Variants in ESRRG observed in about 807,000 individuals in gnomAD.
ESRRG encodes estrogen related receptor gamma.
A neutral mutation model predicts 44.0 loss-of-function variants in ESRRG; 13 were observed. That is an observed-to-expected ratio of 0.30 (90% CI 0.19 to 0.47). The LOEUF (loss-of-function observed/expected upper bound fraction) is 0.47. Ranked by LOEUF, ESRRG falls within the 20% of genes least tolerant of loss-of-function variation. ESRRG has a pLI of 1.00. For synonymous variants in ESRRG, 215 were observed against 214.6 expected (o/e 1.00, Z -0.02); for missense variants, 395 against 580.6 (o/e 0.68, Z 3.29).
intron 3 of ESRRG, among the ~76,000 whole-genome samples, chr1:216,582,768 T>C (rs1210087774): frequency 1.3e-5 from 2 of 152,222 alleles, no homozygotes; most frequent in Non-Finnish European, 2.9e-5. Flanking sequence ...TCTGTTGGCC[T>C]GGACACTTTT....
chr1:216,868,079 C>CTTTTTTTTTTTT, intron 2 of ESRRG, among the ~76,000 whole-genome samples: 1 of 78,358 alleles, frequency 1.3e-5, no homozygotes, highest in Non-Finnish European at 2.2e-5. Context: ...TATATTGATC[C>CTTTTTTTTTTTT]TTTTTTTTTT....
intron 2 of ESRRG, among the ~76,000 whole-genome samples, chr1:216,908,807 T>C (rs1310689103): frequency 6.8e-6 from 1 of 148,116 alleles, no homozygotes; most frequent in East Asian, 2.0e-4. Context: ...TACAAGGCAA[T>C]GTGCCGTAGG....
chr1:216,979,157 C>T (rs1401218444), intron 1 of ESRRG, among the ~76,000 whole-genome samples: 1 of 152,086 alleles, frequency 6.6e-6, no homozygotes, highest in African/African-American at 2.4e-5. Flanking sequence ...TAAACCCCTA[C>T]CCTTCCCACC....
At chr1:216,863,254 G>A (rs1252986400) in intron 2 of ESRRG, 1 of 151,944 alleles carries the variant, frequency 6.6e-6, no homozygotes, top group East Asian at 1.9e-4. Flanking sequence ...TAGAATCACT[G>A]ATATATATGA....
At chr1:216,565,868 T>G (rs757780969) in intron 4 of ESRRG, among the ~76,000 whole-genome samples, 1 of 152,182 alleles carries the variant, frequency 6.6e-6, no homozygotes, top group Non-Finnish European at 1.5e-5. Flanking sequence ...GTTTCAACTT[T>G]CATTGCTCTG....
chr1:216,916,155 G>A (rs1320793404), intron 2 of ESRRG, among the ~76,000 whole-genome samples: 1 of 152,156 alleles, frequency 6.6e-6, no homozygotes, highest in African/African-American at 2.4e-5. Flanking sequence ...CTTCAGAGAA[G>A]CAATTGAGTT....
intron 1 of ESRRG, among the ~76,000 whole-genome samples, chr1:216,702,974 T>TA (rs1053954896): frequency 6.6e-6 from 1 of 151,960 alleles, no homozygotes; most frequent in Non-Finnish European, 1.5e-5. Context: ...TCTTAAATTT[T>TA]AAAAAAATAA....
At chr1:216,635,569 T>C (rs1393811707) in intron 3 of ESRRG, among the ~76,000 whole-genome samples, 1 of 152,140 alleles carries the variant, frequency 6.6e-6, no homozygotes, top group Non-Finnish European at 1.5e-5. Context: ...GTTAGCAATG[T>C]CCGGATGAGA....
intron 3 of ESRRG, among the ~76,000 whole-genome samples, chr1:216,641,466 C>T (rs1218697131): frequency 4.6e-5 from 7 of 152,168 alleles, no homozygotes; most frequent in African/African-American, 7.2e-5. Flanking sequence ...TTATAATACT[C>T]CAGTGGTACA....
intron 2 of ESRRG, among the ~76,000 whole-genome samples, chr1:216,828,364 G>A (rs2095431944): frequency 6.6e-6 from 1 of 152,130 alleles, no homozygotes; most frequent in Admixed American, 6.5e-5. Context: ...TGTTCGTTTG[G>A]TTGGTTAGTT....
intron 1 of ESRRG, among the ~76,000 whole-genome samples, chr1:216,685,697 C>T (rs929146430): frequency 1.3e-5 from 2 of 152,196 alleles, no homozygotes; most frequent in Non-Finnish European, 2.9e-5. Context: ...GCTCAGGCTT[C>T]CTGAACTTCC....
intron 2 of ESRRG, among the ~76,000 whole-genome samples, chr1:216,870,778 AT>A (rs1157099758): frequency 1.3e-5 from 2 of 151,782 alleles, no homozygotes; most frequent in Non-Finnish European, 2.9e-5. Flanking sequence ...CTTTACATCG[AT>A]TTTTTTCATA....
chr1:216,599,759 T>C (rs896046807), intron 3 of ESRRG, among the ~76,000 whole-genome samples: 35 of 151,740 alleles, frequency 2.3e-4, no homozygotes, highest in African/African-American at 7.7e-4. Flanking sequence ...GAGTGCGTGA[T>C]AGTAATGAAA....
intron 1 of ESRRG, among the ~76,000 whole-genome samples, chr1:217,125,508 T>G (rs1279101173): frequency 6.6e-6 from 1 of 152,220 alleles, no homozygotes; most frequent in Non-Finnish European, 1.5e-5. Flanking sequence ...GTTGGTTCCA[T>G]GAGGTCAGGA....
intron 1 of ESRRG, among the ~76,000 whole-genome samples, chr1:217,073,123 G>A (rs1460732325): frequency 4.6e-5 from 6 of 129,696 alleles, no homozygotes; most frequent in Admixed American, 9.7e-5. Context: ...GTCTCTGCCC[G>A]AATAGTACCA....
At chr1:216,992,646 C>A (rs1269114049) in intron 1 of ESRRG, among the ~76,000 whole-genome samples, 1 of 152,290 alleles carries the variant, frequency 6.6e-6, no homozygotes, top group Non-Finnish European at 1.5e-5. Context: ...CAAAGTTAAA[C>A]TGTGACTGAA....
chr1:216,961,534 T>C (rs1816566), intron 1 of ESRRG, among the ~76,000 whole-genome samples: 25,456 of 150,600 alleles, frequency 0.17, 2,295 homozygotes, highest in Middle Eastern at 0.28. Context: ...TTCCCTGACA[T>C]AGTCACAACT....
At chr1:216,653,837 G>T (rs2069645508) in intron 2 of ESRRG, among the ~76,000 whole-genome samples, 1 of 152,086 alleles carries the variant, frequency 6.6e-6, no homozygotes, top group African/African-American at 2.4e-5. Flanking sequence ...ATCCAAGCCA[G>T]GTGCAGTGGT....
chr1:216,848,668 G>A (rs2095797125), intron 2 of ESRRG, among the ~76,000 whole-genome samples: 1 of 151,904 alleles, frequency 6.6e-6, no homozygotes, highest in Non-Finnish European at 1.5e-5. Context: ...TGCTATGCTG[G>A]AAATGTTGCC....
Sources: gnomAD v4.1 joint callset for allele counts (sites outside exome capture counted in the v4.1 genomes callset) on GRCh38, gnomAD v4.1.1 for gene constraint, MANE v1.5 for transcripts, NCBI Gene and HGNC (gene_info 2026-07-23, HGNC 2026-07-21) for gene names.